Variants in ADAMTS2 observed in about 807,000 individuals in gnomAD.
The protein encoded by ADAMTS2 is A disintegrin and metalloproteinase with thrombospondin motifs 2.
ADAMTS2 carries 50 observed loss-of-function variants against 123.0 expected under a neutral mutation model. That is an observed-to-expected ratio of 0.41 (90% CI 0.32 to 0.51). The LOEUF is 0.51. Ranked by LOEUF, ADAMTS2 falls within the 20% of genes least tolerant of loss-of-function variation. The pLI is 0.35. For missense variants in ADAMTS2, 1,494 were observed against 1,705.2 expected, an observed-to-expected ratio of 0.88 and a Z score of 2.18; for synonymous variants, 678 against 695.4, an observed-to-expected ratio of 0.98 and a Z score of 0.39.
intron 10 of ADAMTS2, among the ~76,000 whole-genome samples, chr5:179,149,731 G>T (rs530597507): frequency 6.6e-6 from 1 of 152,192 alleles, no homozygotes; most frequent in Non-Finnish European, 1.5e-5. Flanking sequence ...CCACATTCAG[G>T]GATTCTGACA....
At position 179,242,034 on chromosome 5, in the gene ADAMTS2, T is replaced by C. The variant is rs1231164424; in HGVS notation, c.688+30877A>G. Among the ~76,000 whole-genome samples the C allele has an allele frequency of 6.6e-6, 1 of 152,186 alleles. No homozygotes were observed. Among genetic ancestry groups the C allele is most frequent in the Non-Finnish European group, 1.5e-5 (1 of 68,030 alleles). On this transcript the variant is annotated intron_variant, in intron 3 of 21. Coordinates refer to ENST00000251582, the MANE Select transcript of ADAMTS2 (RefSeq NM_014244.5). This position sits in a 1 kb window ranked among gnomAD's most constrained non-coding sequence, Gnocchi z 4.2. ...GTACTCAATGCCCTCAGCACAGTGA[T>C]TGGTCCAGGGGGTGAACACATGACT...
chr5:179,341,156 G>A (rs1757759746), intron 2 of ADAMTS2, among the ~76,000 whole-genome samples: 1 of 152,140 alleles, frequency 6.6e-6, no homozygotes, highest in African/African-American at 2.4e-5. Flanking sequence ...CCTTAGCAAA[G>A]AAGCCTATCG....
intron 19 of ADAMTS2, among the ~76,000 whole-genome samples, chr5:179,124,021 AG>A (rs1762809411): frequency 6.6e-6 from 1 of 152,204 alleles, no homozygotes. Context: ...GGGAGAATTC[AG>A]GGCATTTCCG....
intron 2 of ADAMTS2, among the ~76,000 whole-genome samples, chr5:179,318,738 C>T (rs762357014): frequency 6.6e-6 from 1 of 151,880 alleles, no homozygotes; most frequent in Non-Finnish European, 1.5e-5. Context: ...GGAGCTGAGC[C>T]TCCCCAGGAT....
At position 179,307,381 on chromosome 5, in the gene ADAMTS2, C is replaced by G. The variant is rs1044651036; in HGVS notation, c.535-34317G>C. ...ACTGCTCAGCACTCCAGGACAGCTC[C>G]ATGACACAGAAGCAGCTCTGCCCAT... On this transcript the variant is annotated intron_variant, in intron 2 of 21. Coordinates refer to ENST00000251582, the MANE Select transcript of ADAMTS2 (RefSeq NM_014244.5). The surrounding 1 kb of genome is among the most constrained non-coding windows in gnomAD (Gnocchi z 5.6). 2.0e-5 allele frequency among the ~76,000 whole-genome samples: 3 copies of G among 152,160 alleles called. No individual in the cohort carries two copies. The highest frequency in any genetic ancestry group is 7.2e-5 in the African/African-American group (3 of 41,440).
chr5:179,194,096 C>T (rs1187594049), intron 4 of ADAMTS2, among the ~76,000 whole-genome samples: 1 of 152,218 alleles, frequency 6.6e-6, no homozygotes, highest in Non-Finnish European at 1.5e-5. Context: ...ATTCTGACAA[C>T]CATCAGTTCC....
Position 179,314,309 on chromosome 5 carries a change from C to T in ADAMTS2, c.534+29458G>A, listed in dbSNP as rs1193280049. Among the ~76,000 whole-genome samples, 1 of 152,234 alleles carries T rather than the reference C, an allele frequency of 6.6e-6. No individual in the cohort carries two copies. Among genetic ancestry groups the T allele is most frequent in the East Asian group, 1.9e-4 (1 of 5,196 alleles). On this transcript the variant is annotated intron_variant, in intron 2 of 21. Transcript: ENST00000251582. This position sits in a 1 kb window ranked among gnomAD's most constrained non-coding sequence, Gnocchi z 4.5. The stretch of plus-strand genomic sequence containing the variant: ...CCAGCCATCTGGGGCTTGGCTGGGC[C>T]TCAGCCTCCTGGCTGCCACGTCTCA...
chr5:179,255,212 T>C (rs908984631), intron 3 of ADAMTS2, among the ~76,000 whole-genome samples: 1 of 152,070 alleles, frequency 6.6e-6, no homozygotes, highest in Non-Finnish European at 1.5e-5. Context: ...GATGGACGGA[T>C]GACAGATGGA....
rs967986960 is a variant in ADAMTS2, at chr5:179,234,558, G to A, written c.689-26843C>T. On this transcript the variant is annotated intron_variant, in intron 3 of 21. Transcript: ENST00000251582. This position sits in a 1 kb window ranked among gnomAD's most constrained non-coding sequence, Gnocchi z 4.7. ...TGCACCTCCCCAGGCTCCAGACCCC[G>A]CCCCCTGCTGCCTGCAACTGCCCCT... 5.6e-5 allele frequency among the ~76,000 whole-genome samples: 7 copies of A among 123,968 alleles called. No homozygotes were observed. Among genetic ancestry groups the A allele is most frequent in the Admixed American group, 4.8e-4 (6 of 12,610 alleles). The allele number at this position is 123,968 out of a possible 152,430, so 81.3% of individuals were successfully genotyped here. A position where few individuals can be genotyped will look rare whatever the true frequency, so the allele number is the denominator to read the frequency against.
At chr5:179,245,227 G>T (rs539457388) in intron 3 of ADAMTS2, among the ~76,000 whole-genome samples, 5 of 152,142 alleles carry the variant, frequency 3.3e-5, no homozygotes, top group Non-Finnish European at 5.9e-5. Context: ...CAGAAGTCAT[G>T]AGCCAAGGAA....
Position 179,170,863 on chromosome 5 carries a change from G to A in ADAMTS2, c.975+10209C>T, listed in dbSNP as rs533945315. Among the ~76,000 whole-genome samples, 103 of 152,260 alleles carry A rather than the reference G, an allele frequency of 6.8e-4. No individual in the cohort carries two copies. The highest frequency in any genetic ancestry group is 2.4e-3 in the African/African-American group (99 of 41,548). ...GCCAGAGGCTCTGGGCTGGCCGGATGCTTTGGGGGCACAAGGATACATCTC... is the reference window on the plus strand; with the variant it reads ...GCCAGAGGCTCTGGGCTGGCCGGATACTTTGGGGGCACAAGGATACATCTC... On this transcript the variant is annotated intron_variant, in intron 5 of 21. Coordinates refer to ENST00000251582, the MANE Select transcript of ADAMTS2 (RefSeq NM_014244.5). This position sits in a 1 kb window ranked among gnomAD's most constrained non-coding sequence, Gnocchi z 4.3.
At chr5:179,160,138 C>A (rs559957894) in intron 5 of ADAMTS2, among the ~76,000 whole-genome samples, 126 of 152,288 alleles carry the variant, frequency 8.3e-4, no homozygotes, top group African/African-American at 2.7e-3. Flanking sequence ...CAAAGTAGAG[C>A]CACGTATTTC....
rs368363548 is a variant in ADAMTS2 at position 179,125,071 on chromosome 5, C to A, written c.2860G>T (p.Val954Leu). Residue 954 changes from valine (V) to leucine (L), a missense_variant, in exon 19 of 22, where the codon GTG (valine) becomes TTG (leucine). By Grantham distance (32) the Val-to-Leu change is conservative. Transcript: ENST00000251582. ...GCGTCATTGCAGTGCTTGGCGTGCA[C>A]GGAGCGGGTGGTGTTGTCGTGTAGC... ...QPLHDNTTRS[V>L]HAKHCNDARP... 1 of 1,611,070 alleles carries A rather than the reference C, an allele frequency of 6.2e-7. No individual in the cohort carries two copies. The highest frequency in any genetic ancestry group is 8.5e-7 in the Non-Finnish European group (1 of 1,179,516).
chr5:179,321,571 A>G lies in ADAMTS2; in HGVS notation c.534+22196T>C, dbSNP rs1455936190. On this transcript the variant is annotated intron_variant, in intron 2 of 21. Coordinates refer to ENST00000251582, the MANE Select transcript of ADAMTS2 (RefSeq NM_014244.5). ...TCCACTGCCTCCTCCACTTGTCTGC[A>G]CATGGTGGGGGGCCAAGGAGCACTT... 2.6e-5 allele frequency among the ~76,000 whole-genome samples: 4 copies of G among 152,258 alleles called. No homozygotes were observed. The East Asian group carries it at 7.7e-4, about 29-fold the overall frequency.
At chr5:179,148,368 C>G (rs1202179614) in intron 10 of ADAMTS2, among the ~76,000 whole-genome samples, 1 of 152,210 alleles carries the variant, frequency 6.6e-6, no homozygotes, top group East Asian at 1.9e-4. Context: ...TCTCCAGGAA[C>G]AGCCCCCAGG....
At chr5:179,341,543 TA>T (rs71589501) in intron 2 of ADAMTS2, among the ~76,000 whole-genome samples, 6 of 148,356 alleles carry the variant, frequency 4.0e-5, no homozygotes, top group Admixed American at 6.7e-5. Context: ...TACTAAAAAT[TA>T]AAAAAAAAAT....
At chr5:179,146,056 T>C (rs554371220) in intron 10 of ADAMTS2, among the ~76,000 whole-genome samples, 16 of 152,300 alleles carry the variant, frequency 1.1e-4, no homozygotes, top group Non-Finnish European at 2.4e-4. Flanking sequence ...GGTTTCACCA[T>C]GTTGGCCAGG....
Position 179,225,710 on chromosome 5 carries a change from G to A in ADAMTS2, c.689-17995C>T, listed in dbSNP as rs373149886. Among the ~76,000 whole-genome samples the A allele has an allele frequency of 5.9e-5, 9 of 152,242 alleles. 2 individuals carry two copies. Among genetic ancestry groups the A allele is most frequent in the African/African-American group, 1.4e-4 (6 of 41,540 alleles). On this transcript the variant is annotated intron_variant, in intron 3 of 21. Coordinates refer to ENST00000251582, the MANE Select transcript of ADAMTS2 (RefSeq NM_014244.5). This position sits in a 1 kb window ranked among gnomAD's most constrained non-coding sequence, Gnocchi z 4.5. ...CAGAGGAGAGCCCAGGCTGCTTAGC[G>A]GCCCGACTCCAGGGAAAGCCCTTTG...
At chr5:179,126,686 G>A (rs1483115421) in intron 17 of ADAMTS2, among the ~76,000 whole-genome samples, 3 of 152,248 alleles carry the variant, frequency 2.0e-5, no homozygotes, top group Admixed American at 1.3e-4. Context: ...CCCCCATGGC[G>A]GCGAGTGACA....
Sources: allele counts gnomAD v4.1 joint callset (sites outside exome capture counted in the v4.1 genomes callset), GRCh38; gene constraint gnomAD v4.1.1; non-coding constraint Gnocchi (gnomAD v3.1); transcripts MANE v1.5; gene names NCBI Gene and HGNC (gene_info 2026-07-23, HGNC 2026-07-21).